The following KLHL3 variants were observed in gnomAD, a reference collection of about 807,000 sequenced individuals.
KLHL3 encodes kelch like family member 3, also known as kelch-like protein 3.
Under a neutral mutation model 70.5 loss-of-function variants are expected in KLHL3, and 19 were observed. That is an observed-to-expected ratio of 0.27 (90% CI 0.19 to 0.40). The LOEUF (loss-of-function observed/expected upper bound fraction) is 0.40, where lower values mean the gene tolerates loss of function less well. KLHL3 is among the 10% of genes least tolerant of loss of function. KLHL3 has a pLI of 1.00. For missense variants in KLHL3, 512 were observed against 771.1 expected (o/e 0.66, Z 3.98); for synonymous variants, 258 against 290.3 (o/e 0.89, Z 1.13).
chr5:137,638,432 T>G (rs1750823032), intron 10 of KLHL3, among the ~76,000 whole-genome samples: 1 of 151,970 alleles, frequency 6.6e-6, no homozygotes, highest in African/African-American at 2.4e-5. Flanking sequence ...CAACTAACAG[T>G]TTTGGGTTGA....
At chr5:137,702,057 A>C (rs928093432) in intron 3 of KLHL3, among the ~76,000 whole-genome samples, 1 of 152,242 alleles carries the variant, frequency 6.6e-6, no homozygotes, top group Admixed American at 6.5e-5. Flanking sequence ...TGTGTCAAGC[A>C]CTGTGCTAGG....
At chr5:137,647,569 C>T (rs755439193) in intron 8 of KLHL3, 3 of 472,124 alleles carry the variant, frequency 6.4e-6, no homozygotes, top group Non-Finnish European at 1.3e-5. Context: ...GGGCAGAAGG[C>T]AGGCCCAGCC....
chr5:137,652,341 T>C (rs1580733778), intron 8 of KLHL3, among the ~76,000 whole-genome samples: 1 of 152,158 alleles, frequency 6.6e-6, no homozygotes, highest in African/African-American at 2.4e-5. Context: ...ATGAAATCAG[T>C]ATGTCAGAGA....
chr5:137,655,993 G>A (rs199706118), intron 8 of KLHL3, among the ~76,000 whole-genome samples: 2,149 of 107,642 alleles, frequency 0.02, no homozygotes, highest in Non-Finnish European at 0.021. Context: ...TCTGCCTCAA[G>A]AAAAAAAAAA....
At chr5:137,677,499 C>T in intron 6 of KLHL3, 46 bp downstream of exon 6, 3 of 1,109,660 alleles carry the variant, frequency 2.7e-6, no homozygotes, top group Non-Finnish European at 4.0e-6. Flanking sequence ...TTCCCATGAC[C>T]ACCTGACGAG....
At position 137,618,745 on chromosome 5, in the gene KLHL3, C is replaced by G. The variant is rs1200251999; in HGVS notation, c.*3353G>C. 7.0e-6 allele frequency: 1 copy of G among 141,950 alleles called. No homozygotes were observed. The highest frequency in any genetic ancestry group is 2.7e-5 in the African/African-American group (1 of 37,126). The allele number at this position is 141,950 out of a possible 1,614,324, so 8.8% of individuals were successfully genotyped here. A position where few individuals can be genotyped will look rare whatever the true frequency, so the allele number is the denominator to read the frequency against. On this transcript the variant is annotated 3_prime_UTR_variant, in exon 15 of 15. Coordinates refer to ENST00000309755, the MANE Select transcript of KLHL3 (RefSeq NM_017415.3). ...ACGAGACAGCCCGGCCTCACCCCCA[C>G]AGAAAGCAGACTCCAAAAAAAAAAA...
chr5:137,678,320 T>C (rs1230489962), intron 5 of KLHL3, among the ~76,000 whole-genome samples: 1 of 152,060 alleles, frequency 6.6e-6, no homozygotes, highest in African/African-American at 2.4e-5. Flanking sequence ...ACAACTAGAA[T>C]AAGATAAAAC....
At position 137,639,711 on chromosome 5, in the gene KLHL3, CAA is replaced by C. The variant is rs796957196; in HGVS notation, c.1021+147_1021+148del. On this transcript the variant is annotated intron_variant, in intron 9 of 14. Coordinates refer to ENST00000309755, the MANE Select transcript of KLHL3 (RefSeq NM_017415.3). This position sits in a 1 kb window ranked among gnomAD's most constrained non-coding sequence, Gnocchi z 5.0. ...TCTGTCTTAAAACAACGACAACAACCAAAAAAAAAAAAAAAGTGTGCAGGAGG... is the reference window on the plus strand; with the variant it reads ...TCTGTCTTAAAACAACGACAACAACCAAAAAAAAAAAAAGTGTGCAGGAGG... 5.7e-3 allele frequency: 2,860 copies of C among 498,130 alleles called. No homozygotes were observed. Among genetic ancestry groups the C allele is most frequent in the South Asian group, 9.1e-3 (355 of 38,836 alleles). 30.9% of individuals were successfully genotyped at this position (498,130 alleles called of 1,614,324 possible). A position where few individuals can be genotyped will look rare whatever the true frequency, so the allele number is the denominator to read the frequency against.
Position 137,658,157 on chromosome 5 carries a change from G to A in KLHL3, c.877C>T (p.Pro293Ser). The A allele has an allele frequency of 6.2e-7, 1 of 1,613,776 alleles. No homozygotes were observed. Among genetic ancestry groups the A allele is most frequent in the Non-Finnish European group, 8.5e-7 (1 of 1,179,984 alleles). ...RLLIKNPRTK[P>S]RTPVSLPKVM... Reference sequence around the variant, plus strand: ...TTGGGAAGGCTGACTGGAGTCCTGGGCTTGGTCCTTGGGTTCTTAATCAAT... The same window carrying A: ...TTGGGAAGGCTGACTGGAGTCCTGGACTTGGTCCTTGGGTTCTTAATCAAT... The change falls in exon 8 of 15, where the codon CCC (proline) becomes TCC (serine). Residue 293 changes from proline to serine, a missense_variant. Pro to Ser is a moderately conservative substitution (Grantham distance 74). Coordinates refer to ENST00000309755, the MANE Select transcript of KLHL3 (RefSeq NM_017415.3).
chr5:137,712,631 C>T (rs1025606548), intron 2 of KLHL3, among the ~76,000 whole-genome samples: 16 of 152,174 alleles, frequency 1.1e-4, no homozygotes, highest in Non-Finnish European at 1.9e-4. Flanking sequence ...ACCTGGGATC[C>T]TATGGGATCC....
At chr5:137,718,321 T>C (rs1752935038) in intron 2 of KLHL3, among the ~76,000 whole-genome samples, 2 of 152,166 alleles carry the variant, frequency 1.3e-5, no homozygotes, top group African/African-American at 4.8e-5. Flanking sequence ...ACTCAGGATG[T>C]CTTTTTAAAA....
At chr5:137,729,604 T>A (rs1220528983) in intron 1 of KLHL3, among the ~76,000 whole-genome samples, 1 of 152,134 alleles carries the variant, frequency 6.6e-6, no homozygotes. Flanking sequence ...TTACTGCAAA[T>A]CAATAAACTG....
chr5:137,649,426 T>G (rs1312431141), intron 8 of KLHL3, among the ~76,000 whole-genome samples: 2 of 152,334 alleles, frequency 1.3e-5, no homozygotes, highest in South Asian at 4.1e-4. Context: ...GAGGCCCACA[T>G]GGCAAGAAAC....
chr5:137,720,332 C>G lies in KLHL3; in HGVS notation c.134+133G>C, dbSNP rs1017512206. 4.9e-6 allele frequency: 5 copies of G among 1,023,546 alleles called. No individual in the cohort carries two copies. In the African/African-American group the frequency reaches 8.2e-5, roughly 17 times the overall value. The allele number at this position is 1,023,546 out of a possible 1,614,324, so 63.4% of individuals were successfully genotyped here. A position where few individuals can be genotyped will look rare whatever the true frequency, so the allele number is the denominator to read the frequency against. Reference sequence around the variant, plus strand: ...AAAAAAAGAGAGAAAGAAAGGGGAACTCAAGTGACTAAGAATGGATGGAAA... The same window carrying G: ...AAAAAAAGAGAGAAAGAAAGGGGAAGTCAAGTGACTAAGAATGGATGGAAA... On this transcript the variant is annotated intron_variant, in intron 2 of 14. Coordinates refer to ENST00000309755, the MANE Select transcript of KLHL3 (RefSeq NM_017415.3).
At chr5:137,684,279 G>T (rs1171828450) in intron 5 of KLHL3, among the ~76,000 whole-genome samples, 3 of 152,184 alleles carry the variant, frequency 2.0e-5, no homozygotes, top group African/African-American at 7.2e-5. Context: ...CTGGCACCTA[G>T]CAAGTATTCA....
intron 6 of KLHL3, among the ~76,000 whole-genome samples, chr5:137,663,168 C>T (rs889941999): frequency 5.3e-5 from 8 of 151,100 alleles, no homozygotes; most frequent in East Asian, 1.9e-4. Flanking sequence ...GTGATTCTCC[C>T]GTCTCAGCCT....
In KLHL3 at chr5:137,639,156, G is replaced by A; in HGVS notation, c.1022-6C>T. On this transcript the variant is annotated splice_region_variant and splice_polypyrimidine_tract_variant and intron_variant, in intron 9 of 14. Coordinates refer to ENST00000309755, the MANE Select transcript of KLHL3 (RefSeq NM_017415.3). This position sits in a 1 kb window ranked among gnomAD's most constrained non-coding sequence, Gnocchi z 5.0. ...GCCAGCCATGAACACCACACCTGAG[G>A]CACAGGAAACCAAGACATCAAGGTC... is the stretch of plus-strand genomic sequence containing the variant. 1 of 1,613,222 alleles carries A rather than the reference G, an allele frequency of 6.2e-7. No individual in the cohort carries two copies. The highest frequency in any genetic ancestry group is 8.5e-7 in the Non-Finnish European group (1 of 1,179,512).
intron 1 of KLHL3, among the ~76,000 whole-genome samples, chr5:137,728,548 G>A (rs997869488): frequency 3.9e-5 from 6 of 152,170 alleles, no homozygotes; most frequent in African/African-American, 1.4e-4. Flanking sequence ...GAGGATGGGA[G>A]TGAGAGAAAG....
intron 6 of KLHL3, among the ~76,000 whole-genome samples, chr5:137,677,206 G>A (rs1751904391): frequency 6.6e-6 from 1 of 152,140 alleles, no homozygotes; most frequent in African/African-American, 2.4e-5. Context: ...CAGCATTTTG[G>A]GAGGCTGAGG....
Sources: gnomAD v4.1 joint callset for allele counts (sites outside exome capture counted in the v4.1 genomes callset) on GRCh38, gnomAD v4.1.1 for gene constraint, Gnocchi (gnomAD v3.1) non-coding constraint, MANE v1.5 for transcripts, NCBI Gene and HGNC (gene_info 2026-07-23, HGNC 2026-07-21) for gene names.